TMEM108: variants seen among roughly 807,000 people sequenced by gnomAD.
TMEM108 encodes the protein transmembrane protein 108.
In TMEM108, 12 loss-of-function variants were observed where a neutral mutation model predicts 35.1. That is an observed-to-expected ratio of 0.34 (90% CI 0.22 to 0.55). TMEM108 has a LOEUF of 0.55. Among genes scored for constraint, TMEM108 ranks in the 20% least tolerant of loss-of-function variants. The pLI is 0.89. For missense variants in TMEM108, 680 were observed against 753.3 expected, an observed-to-expected ratio of 0.90 and a Z score of 1.14; for synonymous variants, 287 against 308.6, an observed-to-expected ratio of 0.93 and a Z score of 0.73.
At chr3:133,074,810 A>G (rs755615715) in intron 2 of TMEM108, among the ~76,000 whole-genome samples, 2 of 152,216 alleles carry the variant, frequency 1.3e-5, no homozygotes, top group African/African-American at 4.8e-5. Flanking sequence ...TTTATAATAA[A>G]GTTTTTATAA....
At chr3:133,273,018 G>T (rs1263605545) in intron 3 of TMEM108, among the ~76,000 whole-genome samples, 1 of 152,202 alleles carries the variant, frequency 6.6e-6, no homozygotes, top group African/African-American at 2.4e-5. Context: ...AAGGGACCAG[G>T]CTCTGAGGTG....
In TMEM108 at chr3:133,369,256, C is replaced by T. The variant is rs115834541; in HGVS notation, c.41-10496C>T. 8.5e-3 allele frequency among the ~76,000 whole-genome samples: 1,295 copies of T among 152,272 alleles called. 21 individuals carry two copies. Among genetic ancestry groups the T allele is most frequent in the African/African-American group, 0.03 (1,229 of 41,536 alleles). ...ATTTCTACCTGGGGAGTTGAGGGAC[C>T]TTGACCTTGCCAAGACAAAGAGACA... On this transcript the variant is annotated intron_variant, in intron 3 of 5. Transcript: ENST00000321871.
intron 2 of TMEM108, among the ~76,000 whole-genome samples, chr3:133,149,111 A>G (rs1171564135): frequency 6.6e-6 from 1 of 152,214 alleles, no homozygotes; most frequent in Non-Finnish European, 1.5e-5. Flanking sequence ...ATATTGCTCC[A>G]TAAAAGAATG....
chr3:133,395,641 A>C (rs1307018127), intron 5 of TMEM108, among the ~76,000 whole-genome samples: 1 of 152,148 alleles, frequency 6.6e-6, no homozygotes, highest in African/African-American at 2.4e-5. Context: ...AAAATATGAA[A>C]GAACAGCACA....
In TMEM108 at chr3:133,382,831, C is replaced by A. The variant is rs114588950; in HGVS notation, c.1450+1670C>A. On this transcript the variant is annotated intron_variant, in intron 4 of 5. Transcript: ENST00000321871. ...TCTTTTTATATCCGGAGTCTAGATT[C>A]TTTTCAGGAGCCGCCTCTCATAGCT... Among the ~76,000 whole-genome samples the A allele has an allele frequency of 8.7e-3, 1,321 of 152,292 alleles. 18 individuals are homozygous for A. Among genetic ancestry groups the A allele is most frequent in the South Asian group, 0.033 (159 of 4,826 alleles).
rs78344193 is a variant in TMEM108, at chr3:133,326,612, A to C, written c.41-53140A>C. Among the ~76,000 whole-genome samples the C allele has an allele frequency of 2.6e-3, 391 of 152,264 alleles. 3 individuals are homozygous for C. Among genetic ancestry groups the C allele is most frequent in the African/African-American group, 8.9e-3 (371 of 41,558 alleles). On this transcript the variant is annotated intron_variant, in intron 3 of 5. Coordinates refer to ENST00000321871, the MANE Select transcript of TMEM108 (RefSeq NM_023943.4). ...CTAAGACCCAACAATGAATCGATGA[A>C]GAGGTGGTGTCTATAGTGGGAGTGA...
chr3:133,324,064 A>G (rs1488882229), intron 3 of TMEM108, among the ~76,000 whole-genome samples: 1 of 152,250 alleles, frequency 6.6e-6, no homozygotes, highest in Non-Finnish European at 1.5e-5. Context: ...ACCTGAAACC[A>G]TAAAAATTAT....
chr3:133,140,211 A>T (rs1156598730), intron 2 of TMEM108, among the ~76,000 whole-genome samples: 1 of 152,144 alleles, frequency 6.6e-6, no homozygotes, highest in Admixed American at 6.5e-5. Context: ...CCTCTTTTTC[A>T]TATAATTTAT....
chr3:133,058,562 A>G (rs1193126016), intron 2 of TMEM108, among the ~76,000 whole-genome samples: 1 of 152,206 alleles, frequency 6.6e-6, no homozygotes, highest in Non-Finnish European at 1.5e-5. Context: ...CCGTGCCTAC[A>G]GGCCCTATTG....
intron 3 of TMEM108, among the ~76,000 whole-genome samples, chr3:133,316,082 A>G (rs78047362): frequency 0.016 from 2,455 of 152,360 alleles, 56 homozygotes; most frequent in African/African-American, 0.056. Flanking sequence ...TCTTCTGGTA[A>G]TCAGCTGGTC....
At chr3:133,137,815 G>A (rs3897017) in intron 2 of TMEM108, among the ~76,000 whole-genome samples, 31,821 of 152,112 alleles carry the variant, frequency 0.21, 3,516 homozygotes, top group Admixed American at 0.31. Context: ...ACATATAAAG[G>A]TTGTCTTGGG....
At position 133,266,640 on chromosome 3, in the gene TMEM108, T is replaced by G. The variant is rs543444426; in HGVS notation, c.40+37289T>G. Among the ~76,000 whole-genome samples the G allele has an allele frequency of 2.0e-5, 3 of 152,304 alleles. No homozygotes were observed. The East Asian group carries it at 5.8e-4, about 29-fold the overall frequency. On this transcript the variant is annotated intron_variant, in intron 3 of 5. Coordinates refer to ENST00000321871, the MANE Select transcript of TMEM108 (RefSeq NM_023943.4). ...AATCTCCACAGGTAATTCTGATATG[T>G]TCTCCTGATTAAGTGCACTAAAGTC...
Position 133,396,172 on chromosome 3 carries a change from G to A in TMEM108, c.*186G>A. On this transcript the variant is annotated 3_prime_UTR_variant, in exon 6 of 6. Coordinates refer to ENST00000321871, the MANE Select transcript of TMEM108 (RefSeq NM_023943.4). ...GTTTAAAAAAAAAAAAAACTTTACA[G>A]AATGATCTGTGGCTTTATAAAATAA... is the stretch of plus-strand genomic sequence containing the variant. 4 of 257,154 alleles carry A rather than the reference G, an allele frequency of 1.6e-5. No homozygotes were observed. Among genetic ancestry groups the A allele is most frequent in the Non-Finnish European group, 2.6e-5 (4 of 151,852 alleles). 15.9% of individuals were successfully genotyped at this position (257,154 alleles called of 1,614,324 possible). A position where few individuals can be genotyped will look rare whatever the true frequency, so the allele number is the denominator to read the frequency against.
At chr3:133,179,283 T>C (rs1447269580) in intron 2 of TMEM108, among the ~76,000 whole-genome samples, 1 of 152,348 alleles carries the variant, frequency 6.6e-6, no homozygotes, top group African/African-American at 2.4e-5. Flanking sequence ...AAATACCATG[T>C]GACCCAGCCA....
intron 2 of TMEM108, among the ~76,000 whole-genome samples, chr3:133,097,999 G>A (rs935722476): frequency 6.6e-6 from 1 of 152,186 alleles, no homozygotes; most frequent in Non-Finnish European, 1.5e-5. Context: ...ACAAAAATGA[G>A]AATTGCTCAG....
rs922304177 is a variant in TMEM108 at position 133,039,978 on chromosome 3, A to G, written c.-166+1543A>G. ...TATTTTTTTAAGAGGGAACACCTAA[A>G]TTTGTTAGGGGTATCAAATTCAGGT... On this transcript the variant is annotated intron_variant, in intron 1 of 5. Coordinates refer to ENST00000321871, the MANE Select transcript of TMEM108 (RefSeq NM_023943.4). Among the ~76,000 whole-genome samples the G allele has an allele frequency of 3.9e-5, 6 of 152,290 alleles. No individual in the cohort carries two copies. In the East Asian group the frequency reaches 7.7e-4, roughly 20 times the overall value.
At chr3:133,188,903 C>T (rs770983738) in intron 2 of TMEM108, among the ~76,000 whole-genome samples, 6 of 152,142 alleles carry the variant, frequency 3.9e-5, no homozygotes, top group Non-Finnish European at 5.9e-5. Flanking sequence ...CTTCTGAAAT[C>T]AGCATTTCTC....
intron 3 of TMEM108, among the ~76,000 whole-genome samples, chr3:133,264,618 A>C (rs563922075): frequency 1.1e-4 from 17 of 152,158 alleles, no homozygotes; most frequent in Non-Finnish European, 1.6e-4. Flanking sequence ...ATCACACACA[A>C]AAAAAAGTAG....
At chr3:133,230,638 G>A (rs1303252295) in intron 3 of TMEM108, among the ~76,000 whole-genome samples, 1 of 152,176 alleles carries the variant, frequency 6.6e-6, no homozygotes, top group Non-Finnish European at 1.5e-5. Context: ...ATACCCCTCA[G>A]AGAAGGGTAG....
Sources: gnomAD v4.1 joint callset for allele counts (sites outside exome capture counted in the v4.1 genomes callset) on GRCh38, gnomAD v4.1.1 for gene constraint, MANE v1.5 for transcripts, NCBI Gene and HGNC (gene_info 2026-07-23, HGNC 2026-07-21) for gene names.